ADGRL2: variants seen among roughly 807,000 people sequenced by gnomAD.
ADGRL2 encodes the protein adhesion G protein-coupled receptor L2.
Under a neutral mutation model 157.4 loss-of-function variants are expected in ADGRL2, and 44 were observed. That is an observed-to-expected ratio of 0.28 (90% confidence interval 0.22 to 0.36). The LOEUF (loss-of-function observed/expected upper bound fraction) is 0.36. Ranked by LOEUF, ADGRL2 falls within the 10% of genes least tolerant of loss-of-function variation. ADGRL2 has a pLI of 1.00. For synonymous variants in ADGRL2, 585 were observed against 624.7 expected (o/e 0.94, Z 0.95); for missense variants, 1,510 against 1,768.9 (o/e 0.85, Z 2.63).
At chr1:81,655,215 T>C (rs1222926705) in intron 3 of ADGRL2, among the ~76,000 whole-genome samples, 1 of 152,194 alleles carries the variant, frequency 6.6e-6, no homozygotes, top group Non-Finnish European at 1.5e-5. Context: ...TTAGCCAGGA[T>C]GATCTCGATC....
At chr1:81,858,663 A>G (rs1027965626) in intron 2 of ADGRL2, among the ~76,000 whole-genome samples, 1 of 152,168 alleles carries the variant, frequency 6.6e-6, no homozygotes, top group African/African-American at 2.4e-5. Flanking sequence ...AAGTATCAGA[A>G]TTGGGGTTGA....
At chr1:81,671,128 T>C (rs951969291) in intron 3 of ADGRL2, among the ~76,000 whole-genome samples, 2 of 152,216 alleles carry the variant, frequency 1.3e-5, no homozygotes, top group African/African-American at 4.8e-5. Flanking sequence ...TGCAAAATTC[T>C]GTAGGAGAAG....
At chr1:81,653,615 T>C (rs1026492162) in intron 3 of ADGRL2, among the ~76,000 whole-genome samples, 14 of 152,160 alleles carry the variant, frequency 9.2e-5, no homozygotes, top group Non-Finnish European at 7.3e-5. Flanking sequence ...AAAACATCCA[T>C]TGGGGCATAG....
chr1:81,432,320 A>G (rs1227774324), intron 1 of ADGRL2, among the ~76,000 whole-genome samples: 1 of 152,204 alleles, frequency 6.6e-6, no homozygotes, highest in Non-Finnish European at 1.5e-5. Flanking sequence ...ACTGCTGAAG[A>G]GTTGGATGTA....
At chr1:81,594,771 G>A (rs1472626954) in intron 3 of ADGRL2, among the ~76,000 whole-genome samples, 3 of 152,132 alleles carry the variant, frequency 2.0e-5, no homozygotes, top group Non-Finnish European at 2.9e-5. Context: ...AACTTGGTAA[G>A]CCATTGGACA....
chr1:81,362,323 C>G (rs554136072), intron 1 of ADGRL2, among the ~76,000 whole-genome samples: 3 of 151,832 alleles, frequency 2.0e-5, no homozygotes, highest in Non-Finnish European at 4.4e-5. Context: ...CTGGTTAAAT[C>G]CTTGTTTCTC....
chr1:81,558,754 C>T (rs1477142848), intron 2 of ADGRL2, among the ~76,000 whole-genome samples: 1 of 152,156 alleles, frequency 6.6e-6, no homozygotes, highest in East Asian at 1.9e-4. Context: ...ATTCTCATTT[C>T]ATACCCCTTG....
chr1:81,644,768 A>T (rs991647855), intron 3 of ADGRL2, among the ~76,000 whole-genome samples: 1 of 152,222 alleles, frequency 6.6e-6, no homozygotes, highest in African/African-American at 2.4e-5. Flanking sequence ...CTGGTTCAGG[A>T]TGCTAACAAT....
In ADGRL2 at chr1:81,993,534, TC is replaced by T. The variant is rs1664957988; in HGVS notation, c.*2390del. Among the ~76,000 whole-genome samples, 1 of 152,188 alleles carries T rather than the reference TC, an allele frequency of 6.6e-6. No homozygotes were observed. Among genetic ancestry groups the T allele is most frequent in the African/African-American group, 2.4e-5 (1 of 41,452 alleles). ...TGCATCGTACCTAAATGGCTACTGT[TC>T]TCTAACGTCTTTATCCTATGGATTC... is the stretch of plus-strand genomic sequence containing the variant. On this transcript the variant is annotated 3_prime_UTR_variant, in exon 24 of 24. Transcript: ENST00000686636.
intron 1 of ADGRL2, among the ~76,000 whole-genome samples, chr1:81,735,738 C>T (rs12098015): frequency 3.6e-4 from 54 of 151,158 alleles, no homozygotes; most frequent in East Asian, 1.8e-3. Context: ...TTCAATGAGC[C>T]GAGATCATGC....
chr1:81,864,291 CAT>C (rs921132656), intron 2 of ADGRL2, among the ~76,000 whole-genome samples: 2 of 80,846 alleles, frequency 2.5e-5, no homozygotes, highest in African/African-American at 9.4e-5. Flanking sequence ...AGTGCCAAGT[CAT>C]GTGTCTGAAG....
chr1:81,769,930 C>G (rs1264051211), intron 2 of ADGRL2, among the ~76,000 whole-genome samples: 3 of 151,270 alleles, frequency 2.0e-5, no homozygotes, highest in Non-Finnish European at 2.9e-5. Context: ...ATGGCACGAT[C>G]TTAGCTCACT....
intron 1 of ADGRL2, among the ~76,000 whole-genome samples, chr1:81,737,352 T>C (rs1321827569): frequency 6.6e-6 from 1 of 152,186 alleles, no homozygotes; most frequent in Non-Finnish European, 1.5e-5. Flanking sequence ...TGTCTTCACA[T>C]GGTGGCAGGA....
chr1:81,807,142 T>C (rs1375477822), intron 1 of ADGRL2, among the ~76,000 whole-genome samples: 1 of 151,988 alleles, frequency 6.6e-6, no homozygotes, highest in African/African-American at 2.4e-5. Flanking sequence ...GCATTAAAAA[T>C]AGCAAGTTTA....
At chr1:81,313,601 A>G (rs2100566529) in intron 1 of ADGRL2, among the ~76,000 whole-genome samples, 1 of 152,300 alleles carries the variant, frequency 6.6e-6, no homozygotes, top group African/African-American at 2.4e-5. Flanking sequence ...CAAAGTTCGA[A>G]AGGCAGATTG....
intron 2 of ADGRL2, among the ~76,000 whole-genome samples, chr1:81,507,287 G>T (rs906291676): frequency 6.6e-6 from 1 of 152,062 alleles, no homozygotes; most frequent in African/African-American, 2.4e-5. Context: ...CTCCTGCACA[G>T]AAGGAGACTT....
chr1:81,486,598 G>A (rs77152783), intron 2 of ADGRL2, among the ~76,000 whole-genome samples: 63 of 152,064 alleles, frequency 4.1e-4, no homozygotes, highest in African/African-American at 1.4e-3. Flanking sequence ...TTTAAAATGA[G>A]TATTAAATTA....
Position 81,940,962 on chromosome 1 carries a change from C to G in ADGRL2, c.398-1072C>G, listed in dbSNP as rs936017417. Among the ~76,000 whole-genome samples the G allele has an allele frequency of 2.7e-5, 4 of 145,614 alleles. 1 individual carries two copies. In the Admixed American group the frequency reaches 2.7e-4, roughly 10 times the overall value. On this transcript the variant is annotated intron_variant, in intron 4 of 23. Transcript: ENST00000686636. ...TTTTTTTTTTTTTCCTCATGTAACT[C>G]TACTAATCAGGTTTGTTTTATGAAA...
At chr1:81,569,788 T>C (rs964573481) in intron 2 of ADGRL2, among the ~76,000 whole-genome samples, 1 of 152,148 alleles carries the variant, frequency 6.6e-6, no homozygotes, top group Non-Finnish European at 1.5e-5. Context: ...CCAGCCCTGA[T>C]GACAGAGCCA....
Sources: allele counts gnomAD v4.1 joint callset (sites outside exome capture counted in the v4.1 genomes callset), GRCh38; gene constraint gnomAD v4.1.1; transcripts MANE v1.5; gene names NCBI Gene and HGNC (gene_info 2026-07-23, HGNC 2026-07-21).